ADGRA3: variants seen among roughly 807,000 people sequenced by gnomAD.
ADGRA3 encodes the protein G-protein coupled receptor 125.
In ADGRA3, 56 loss-of-function variants were observed where a neutral mutation model predicts 119.8. The ratio of observed to expected loss-of-function variants is 0.47; its 90% CI spans 0.38 to 0.58. The LOEUF (loss-of-function observed/expected upper bound fraction) is 0.58. ADGRA3 is among the 20% of genes least tolerant of loss of function. ADGRA3 has a pLI of 0.00. For synonymous variants in ADGRA3, 607 were observed against 623.8 expected (o/e 0.97, Z 0.40); for missense variants, 1,516 against 1,649.0 (o/e 0.92, Z 1.40).
In ADGRA3 at chr4:22,436,396, T is replaced by C. The variant is rs139766519; in HGVS notation, c.1287+44A>G. 457 of 1,484,370 alleles carry C rather than the reference T, an allele frequency of 3.1e-4. No individual in the cohort carries two copies. The African/African-American group carries it at 5.6e-3, about 18-fold the overall frequency. The allele number at this position is 1,484,370 out of a possible 1,614,324, so 91.9% of individuals were successfully genotyped here. Reference sequence around the variant, plus strand: ...ACTTATGTATTTGGTTTGAATACCATGTTTTCTCCACAACCCAAGTAAACA... The same window carrying C: ...ACTTATGTATTTGGTTTGAATACCACGTTTTCTCCACAACCCAAGTAAACA... On this transcript the variant is annotated intron_variant, in intron 9 of 18. Transcript: ENST00000334304.
chr4:22,425,037 T>C (rs1324126878), intron 10 of ADGRA3, among the ~76,000 whole-genome samples: 3 of 150,034 alleles, frequency 2.0e-5, no homozygotes, highest in East Asian at 3.9e-4. Flanking sequence ...ATCGTGCCAC[T>C]GCACTCTAGC....
At position 22,401,506 on chromosome 4, in the gene ADGRA3, G is replaced by C; in HGVS notation, c.2406C>G (p.Cys802Trp). 1 of 1,610,562 alleles carries C rather than the reference G, an allele frequency of 6.2e-7. No homozygotes were observed. The highest frequency in any genetic ancestry group is 8.5e-7 in the Non-Finnish European group (1 of 1,177,872). The change falls in exon 16 of 19, where the codon TGC becomes TGG. Residue 802 changes from cysteine (C) to tryptophan (W), a missense_variant. Transcript: ENST00000334304. ...LKSWHMLVNL[C>W]FHIFLTCVVF... is the part of the protein sequence containing the mutation. ...CCACACAGGTTAGGAAAATATGAAA[G>C]CACAAGTTCACAAGCATGTGCCAGC...
intron 16 of ADGRA3, 166 bp from the exon 17 acceptor site, chr4:22,392,856 G>GT: frequency 1.8e-6 from 1 of 565,440 alleles, no homozygotes; most frequent in Admixed American, 3.4e-5. Flanking sequence ...TAATAGACAT[G>GT]TGACAGGGAA....
At position 22,413,633 on chromosome 4, in the gene ADGRA3, G is replaced by A; in HGVS notation, c.1991C>T (p.Thr664Ile). 6.2e-7 allele frequency: 1 copy of A among 1,614,044 alleles called. No homozygotes were observed. Reference protein sequence around the residue: ...TNLADDGKRRTVVTPVILTKI... With the variant: ...TNLADDGKRRIVVTPVILTKI... ...GGTGAGAATCACAGGGGTAACCACA[G>A]TACGTCGTTTTCCATCATCAGCCAA... The change falls in exon 13 of 19, where the codon ACT becomes ATT. Residue 664 changes from threonine to isoleucine, a missense_variant. This residue lies in a region of ADGRA3 where 1,088 missense variants were observed against 1,107.1 expected (regional missense o/e 0.98). Transcript: ENST00000334304.
At chr4:22,443,226 C>A in intron 6 of ADGRA3, 1 of 537,392 alleles carries the variant, frequency 1.9e-6, no homozygotes, top group South Asian at 2.7e-5. Context: ...TTGGAGACTG[C>A]AATACCTTTG....
Position 22,515,610 on chromosome 4 carries a change from C to A in ADGRA3, c.175G>T (p.Ala59Ser). The change falls in exon 1 of 19, where the codon GCC becomes TCC. Residue 59 changes from alanine to serine, a missense_variant. By Grantham distance (99) the Ala-to-Ser change is moderately conservative. Transcript: ENST00000334304. ...CTGCTGCACACCACCTTGCCCTCGGCGGCGCCCGCCGCCCTGCCAGCCCCT... is the reference window on the plus strand; with the variant it reads ...CTGCTGCACACCACCTTGCCCTCGGAGGCGCCCGCCGCCCTGCCAGCCCCT... The part of the protein sequence containing the change: ...PRGAGRAAGA[A>S]EGKVVCSSLE... 1 of 1,547,474 alleles carries A rather than the reference C, an allele frequency of 6.5e-7. No individual in the cohort carries two copies. The highest frequency in any genetic ancestry group is 8.7e-7 in the Non-Finnish European group (1 of 1,148,082).
intron 3 of ADGRA3, among the ~76,000 whole-genome samples, chr4:22,459,419 G>A (rs1042642807): frequency 2.0e-5 from 3 of 151,578 alleles, no homozygotes; most frequent in South Asian, 2.1e-4. Flanking sequence ...AACCCCCATG[G>A]CACAAGTTTA....
chr4:22,490,992 TG>T, intron 1 of ADGRA3, among the ~76,000 whole-genome samples: 1 of 151,926 alleles, frequency 6.6e-6, no homozygotes, highest in East Asian at 1.9e-4. Context: ...AGTTCATGAA[TG>T]GATCAAGGGA....
At chr4:22,486,822 C>T (rs934133444) in intron 1 of ADGRA3, among the ~76,000 whole-genome samples, 1 of 152,176 alleles carries the variant, frequency 6.6e-6, no homozygotes, top group Non-Finnish European at 1.5e-5. Flanking sequence ...AAGTTCTTAA[C>T]CTCTTAGTTA....
intron 7 of ADGRA3, among the ~76,000 whole-genome samples, chr4:22,440,301 C>T (rs921200191): frequency 1.3e-5 from 2 of 152,146 alleles, no homozygotes; most frequent in African/African-American, 2.4e-5. Flanking sequence ...TTCCAGGAAT[C>T]CTCAAGGCAG....
intron 1 of ADGRA3, among the ~76,000 whole-genome samples, chr4:22,510,797 C>A (rs1053196298): frequency 6.6e-6 from 1 of 152,148 alleles, no homozygotes; most frequent in African/African-American, 2.4e-5. Flanking sequence ...CCACACTGAT[C>A]TCTCCCCTGT....
In ADGRA3 at chr4:22,500,076, T is replaced by C. The variant is rs546291315; in HGVS notation, c.257+15452A>G. 4.6e-5 allele frequency among the ~76,000 whole-genome samples: 7 copies of C among 152,308 alleles called. No individual in the cohort carries two copies. In the East Asian group the frequency reaches 5.8e-4, roughly 13 times the overall value. Reference sequence around the variant, plus strand: ...AAGAAGTTTTGGATTTTGGAGCATTTTGGATTTCACATTTTCATATTTGAG... The same window carrying C: ...AAGAAGTTTTGGATTTTGGAGCATTCTGGATTTCACATTTTCATATTTGAG... On this transcript the variant is annotated intron_variant, in intron 1 of 18. Coordinates refer to ENST00000334304, the MANE Select transcript of ADGRA3 (RefSeq NM_145290.4).
At chr4:22,484,873 CT>C (rs199868914) in intron 1 of ADGRA3, among the ~76,000 whole-genome samples, 4,163 of 149,212 alleles carry the variant, frequency 0.028, 157 homozygotes, top group African/African-American at 0.082. Context: ...TTTAGGCTGC[CT>C]TTTTTTTTTC....
chr4:22,387,728 A>G lies in ADGRA3; in HGVS notation c.3943T>C (p.Trp1315Arg), dbSNP rs1713897293. ...DSTGNVRTGLWKHETTV is the reference protein window; with the variant it reads ...DSTGNVRTGLRKHETTV ...TGTTACACAGTAGTTTCGTGTTTCC[A>G]TAATCCAGTCCTAACATTGCCAGTG... is the stretch of plus-strand genomic sequence containing the variant. Residue 1315 changes from tryptophan (W) to arginine (R), a missense_variant, in exon 19 of 19, where the codon TGG (tryptophan) becomes CGG (arginine). Physicochemically the swap from Trp to Arg is moderately radical, Grantham distance 101. Transcript: ENST00000334304. 6.2e-7 allele frequency: 1 copy of G among 1,608,888 alleles called. No homozygotes were observed. Among genetic ancestry groups the G allele is most frequent in the Admixed American group, 1.7e-5 (1 of 59,468 alleles).
At chr4:22,432,500 C>T (rs1220964622) in intron 10 of ADGRA3, among the ~76,000 whole-genome samples, 2 of 152,012 alleles carry the variant, frequency 1.3e-5, no homozygotes, top group Non-Finnish European at 2.9e-5. Context: ...ATGAAAAAGC[C>T]ATATATTTGT....
chr4:22,504,698 A>G (rs747498272), intron 1 of ADGRA3, among the ~76,000 whole-genome samples: 9 of 151,446 alleles, frequency 5.9e-5, no homozygotes, highest in Non-Finnish European at 1.2e-4. Flanking sequence ...CTCTCACATG[A>G]GGTAGCTGCC....
At chr4:22,423,980 TA>T (rs1346950362) in intron 11 of ADGRA3, among the ~76,000 whole-genome samples, 10 of 152,138 alleles carry the variant, frequency 6.6e-5, no homozygotes, top group African/African-American at 2.4e-4. Flanking sequence ...TAATAACTTA[TA>T]AAATGTTATA....
chr4:22,421,881 C>CCAA (rs767609157), intron 11 of ADGRA3, among the ~76,000 whole-genome samples: 3 of 70,440 alleles, frequency 4.3e-5, no homozygotes, highest in African/African-American at 1.9e-4. Flanking sequence ...ACTCAGTCTC[C>CCAA]AAAAAAAAAA....
intron 14 of ADGRA3, among the ~76,000 whole-genome samples, chr4:22,408,239 T>C (rs895541160): frequency 1.2e-4 from 18 of 151,902 alleles, no homozygotes; most frequent in African/African-American, 3.4e-4. Context: ...CTTCATAATC[T>C]TGGGGTAGAA....
Sources: allele counts gnomAD v4.1 joint callset (sites outside exome capture counted in the v4.1 genomes callset), GRCh38; gene constraint gnomAD v4.1.1; regional missense constraint gnomAD v4.1.1; transcripts MANE v1.5; gene names NCBI Gene and HGNC (gene_info 2026-07-23, HGNC 2026-07-21).